RET: variants seen among roughly 807,000 people sequenced by gnomAD.
RET encodes proto-oncogene tyrosine-protein kinase receptor Ret.
In RET, 19 loss-of-function variants were observed where a neutral mutation model predicts 118.3. The ratio of observed to expected loss-of-function variants is 0.16; its 90% CI spans 0.11 to 0.24. RET has a LOEUF of 0.24. Among genes scored for constraint, RET ranks in the 10% least tolerant of loss-of-function variants. RET has a pLI of 1.00. For synonymous variants in RET, 597 were observed against 644.1 expected, an observed-to-expected ratio of 0.93 and a Z score of 1.11; for missense variants, 1,219 against 1,502.1, an observed-to-expected ratio of 0.81 and a Z score of 3.12.
At chr10:43,108,403 T>G (rs1329821959) in intron 5 of RET, among the ~76,000 whole-genome samples, 1 of 152,206 alleles carries the variant, frequency 6.6e-6, no homozygotes, top group East Asian at 1.9e-4. Context: ...CTGTTTATAA[T>G]TTGGTATCTT....
chr10:43,080,867 TG>T (rs1478463001), intron 1 of RET, among the ~76,000 whole-genome samples: 1 of 152,230 alleles, frequency 6.6e-6, no homozygotes, highest in African/African-American at 2.4e-5. Flanking sequence ...GCGGTGCAGA[TG>T]TTCGGCTGGG....
At chr10:43,087,062 CG>C (rs1045992898) in intron 1 of RET, among the ~76,000 whole-genome samples, 1 of 152,216 alleles carries the variant, frequency 6.6e-6, no homozygotes, top group African/African-American at 2.4e-5. Context: ...GGGTGTGCAG[CG>C]GGAATTCTGG....
chr10:43,090,508 A>T (rs1367211329), intron 1 of RET, among the ~76,000 whole-genome samples: 2 of 152,024 alleles, frequency 1.3e-5, no homozygotes, highest in Non-Finnish European at 2.9e-5. Flanking sequence ...TGTGTGCTCC[A>T]TGCTAAGCCT....
chr10:43,091,822 CAAAAAAAA>C (rs60545334), intron 1 of RET, among the ~76,000 whole-genome samples: 1 of 114,612 alleles, frequency 8.7e-6, no homozygotes, highest in South Asian at 2.9e-4. Flanking sequence ...TGTCTACTAT[CAAAAAAAA>C]AAAAAAAAAA....
At chr10:43,091,959 T>C (rs1837421264) in intron 1 of RET, among the ~76,000 whole-genome samples, 1 of 152,136 alleles carries the variant, frequency 6.6e-6, no homozygotes, top group Admixed American at 6.5e-5. Flanking sequence ...AACCTAGAGC[T>C]GACTTCGGCT....
At chr10:43,079,290 C>G (rs1287904489) in intron 1 of RET, among the ~76,000 whole-genome samples, 1 of 152,174 alleles carries the variant, frequency 6.6e-6, no homozygotes, top group East Asian at 1.9e-4. Flanking sequence ...CCTGCCTCAC[C>G]CACGTCCACA....
chr10:43,122,212 G>T (rs1838234228), intron 16 of RET, among the ~76,000 whole-genome samples, 196 bp downstream of exon 16: 1 of 152,192 alleles, frequency 6.6e-6, no homozygotes, highest in South Asian at 2.1e-4. Context: ...AAATGGCTGG[G>T]CCAGGCCGGG....
At chr10:43,090,685 T>A (rs1003089696) in intron 1 of RET, among the ~76,000 whole-genome samples, 1 of 152,062 alleles carries the variant, frequency 6.6e-6, no homozygotes, top group African/African-American at 2.4e-5. Context: ...CTTATTATAT[T>A]TATTTCATCC....
At position 43,100,736 on chromosome 10, in the gene RET, C is replaced by G. The variant is rs2132666012; in HGVS notation, c.337+14C>G. ...TCAGTGTCCGCAGTAAGGGAGCCGC[C>G]CCAACACCCACCCCGTGCCCCACCC... On this transcript the variant is annotated intron_variant, in intron 2 of 19. Transcript: ENST00000355710. 1 of 1,579,624 alleles carries G rather than the reference C, an allele frequency of 6.3e-7. No homozygotes were observed. The highest frequency in any genetic ancestry group is 8.6e-7 in the Non-Finnish European group (1 of 1,163,764).
intron 11 of RET, among the ~76,000 whole-genome samples, chr10:43,115,203 C>T (rs1195734906): frequency 6.6e-6 from 1 of 152,220 alleles, no homozygotes; most frequent in African/African-American, 2.4e-5. Flanking sequence ...AAGCCCAGTT[C>T]TGGAAGTAAC....
intron 1 of RET, among the ~76,000 whole-genome samples, chr10:43,081,484 C>T (rs1279508705): frequency 6.6e-6 from 1 of 152,124 alleles, no homozygotes; most frequent in Non-Finnish European, 1.5e-5. Context: ...GCGTGTGTGG[C>T]AAGGGGCGGG....
chr10:43,120,239 G>C (rs746531579), intron 15 of RET, 36 bp downstream of exon 15: 2 of 1,610,118 alleles, frequency 1.2e-6, no homozygotes, highest in Non-Finnish European at 1.7e-6. Context: ...GGCTCCCAGG[G>C]ATCCCAGGTG....
At position 43,126,691 on chromosome 10, in the gene RET, C is replaced by A. The variant is rs191769748; in HGVS notation, c.3156C>A (p.Leu1052=). ...ATAATGCCCCCCTCCCTCGAGCCCT[C>A]CCTTCCACATGGATTGAAAACAAAC... The part of the protein sequence containing the change: ...DCNNAPLPRA[L]PSTWIENKLY... Residue 1052 remains leucine, a synonymous_variant, in exon 19 of 20, where the codon CTC becomes CTA. Transcript: ENST00000355710. 6.2e-7 allele frequency: 1 copy of A among 1,614,056 alleles called. No individual in the cohort carries two copies. Among genetic ancestry groups the A allele is most frequent in the Non-Finnish European group, 8.5e-7 (1 of 1,180,006 alleles).
At chr10:43,102,277 C>T in intron 2 of RET, 65 bp from the exon 3 acceptor site, 1 of 1,598,100 alleles carries the variant, frequency 6.3e-7, no homozygotes. Flanking sequence ...CTCCTGCCTC[C>T]TCCCCATTCC....
intron 4 of RET, among the ~76,000 whole-genome samples, chr10:43,105,438 G>C (rs1021176960): frequency 3.9e-5 from 6 of 152,114 alleles, no homozygotes; most frequent in Non-Finnish European, 8.8e-5. Flanking sequence ...TCGCGTCTGG[G>C]GCATACTTGT....
At position 43,128,104 on chromosome 10, in the gene RET, A is replaced by T; in HGVS notation, c.3188-8A>T. ...AGTGCAGAACAAATGATCTGTTTTC[A>T]TTTTTAGGCATGTCAGACCCGAACT... On this transcript the variant is annotated splice_region_variant and splice_polypyrimidine_tract_variant and intron_variant, in intron 19 of 19. Transcript: ENST00000355710. 6.2e-7 allele frequency: 1 copy of T among 1,614,106 alleles called. No individual in the cohort carries two copies. Among genetic ancestry groups the T allele is most frequent in the Non-Finnish European group, 8.5e-7 (1 of 1,180,020 alleles).
In RET at chr10:43,112,181, C is replaced by T. The variant is rs1472111121; in HGVS notation, c.1605C>T (p.Gly535=). 2 of 1,568,768 alleles carry T rather than the reference C, an allele frequency of 1.3e-6. No individual in the cohort carries two copies. The highest frequency in any genetic ancestry group is 1.4e-5 in the African/African-American group (1 of 73,840). The change falls in exon 8 of 20, where the codon GGC becomes GGT. Residue 535 remains glycine, a synonymous_variant. Transcript: ENST00000355710. ...AGTGTGAGGAGTGTGGCGGCCTGGG[C>T]TCCCCAACAGGCAGGTGTGAGTGGA... ...RLECEECGGL[G]SPTGRCEWRQ...
At chr10:43,128,069 T>C in intron 19 of RET, 43 bp from the exon 20 acceptor site, 5 of 1,611,132 alleles carry the variant, frequency 3.1e-6, no homozygotes, top group Non-Finnish European at 4.2e-6. Flanking sequence ...ACTTGAAGTT[T>C]TGGTTCTTCA....
At chr10:43,111,653 G>C (rs2132783433) in intron 7 of RET, among the ~76,000 whole-genome samples, 188 bp downstream of exon 7, 1 of 152,332 alleles carries the variant, frequency 6.6e-6, no homozygotes, top group East Asian at 1.9e-4. Context: ...CAGGACCTTG[G>C]GTAAATTTGA....
Sources: allele counts gnomAD v4.1 joint callset (sites outside exome capture counted in the v4.1 genomes callset), GRCh38; gene constraint gnomAD v4.1.1; transcripts MANE v1.5; gene names NCBI Gene and HGNC (gene_info 2026-07-23, HGNC 2026-07-21).